The following LUZP2 variants were observed in gnomAD, a reference collection of about 807,000 sequenced individuals.
The protein encoded by LUZP2 is leucine zipper protein 2.
LUZP2 carries 52 observed loss-of-function variants against 51.6 expected under a neutral mutation model. The observed-to-expected ratio is 1.01, with a 90% confidence interval of 0.81 to 1.27. The LOEUF is 1.27. Among genes scored for constraint, LUZP2 ranks in the 50% most tolerant of loss-of-function variants. The pLI is 0.00. For synonymous variants in LUZP2, 154 were observed against 137.3 expected, an observed-to-expected ratio of 1.12 and a Z score of -0.85; for missense variants, 436 against 395.4, an observed-to-expected ratio of 1.10 and a Z score of -0.87.
At chr11:24,647,442 C>T (rs916785867) in intron 1 of LUZP2, among the ~76,000 whole-genome samples, 21 of 151,962 alleles carry the variant, frequency 1.4e-4, no homozygotes, top group African/African-American at 4.3e-4. Flanking sequence ...AGACGAATAG[C>T]ACTGGTTTTT....
rs1859482551 is a variant in LUZP2, at chr11:25,082,565, TAAC to T, written c.*3909_*3911del. ...TGTTCATTTGGATTGTGTTATATAA[TAAC>T]AGTCGAATGATGAAGAATAAAAGAT... is the stretch of plus-strand genomic sequence containing the variant. On this transcript the variant is annotated 3_prime_UTR_variant, in exon 12 of 12. Coordinates refer to ENST00000336930, the MANE Select transcript of LUZP2 (RefSeq NM_001009909.4). 1 of 152,198 alleles carries T rather than the reference TAAC, an allele frequency of 6.6e-6. No homozygotes were observed. Among genetic ancestry groups the T allele is most frequent in the African/African-American group, 2.4e-5 (1 of 41,446 alleles). 9.4% of individuals were successfully genotyped at this position (152,198 alleles called of 1,614,324 possible). A position where few individuals can be genotyped will look rare whatever the true frequency, so the allele number is the denominator to read the frequency against.
At chr11:24,924,470 G>T (rs931161369) in intron 7 of LUZP2, among the ~76,000 whole-genome samples, 4 of 152,092 alleles carry the variant, frequency 2.6e-5, no homozygotes, top group Admixed American at 2.0e-4. Context: ...AATGCTGTTT[G>T]GAAGAAGCAC....
chr11:24,866,906 G>A (rs1349321644), intron 5 of LUZP2, among the ~76,000 whole-genome samples: 2 of 152,102 alleles, frequency 1.3e-5, no homozygotes, highest in African/African-American at 4.8e-5. Context: ...GGAGTTCGGT[G>A]GGAGATGAGA....
chr11:24,627,477 A>G (rs1017024001), intron 1 of LUZP2, among the ~76,000 whole-genome samples: 3 of 152,162 alleles, frequency 2.0e-5, no homozygotes, highest in South Asian at 2.1e-4. Context: ...GGAGACCCAA[A>G]TTCATTTTTT....
intron 1 of LUZP2, among the ~76,000 whole-genome samples, chr11:24,551,967 G>A (rs576903905): frequency 2.6e-5 from 4 of 151,658 alleles, no homozygotes; most frequent in African/African-American, 9.7e-5. Flanking sequence ...ACAAAACTCA[G>A]GCAACAGGCC....
At chr11:24,890,554 G>A (rs142086276) in intron 5 of LUZP2, among the ~76,000 whole-genome samples, 20 of 152,096 alleles carry the variant, frequency 1.3e-4, no homozygotes, top group Non-Finnish European at 1.6e-4. Flanking sequence ...AGAATTTTGC[G>A]GCTGTGAAAG....
intron 1 of LUZP2, among the ~76,000 whole-genome samples, chr11:24,615,991 T>G (rs1162452011): frequency 6.6e-6 from 1 of 151,774 alleles, no homozygotes; most frequent in Non-Finnish European, 1.5e-5. Context: ...GTCTTTCTTC[T>G]GTGCATTTCC....
chr11:24,998,965 A>G (rs1298203132), intron 9 of LUZP2, among the ~76,000 whole-genome samples: 1 of 152,186 alleles, frequency 6.6e-6, no homozygotes, highest in Admixed American at 6.5e-5. Flanking sequence ...GCTGTCTGTT[A>G]GAAGTCATCA....
intron 5 of LUZP2, among the ~76,000 whole-genome samples, chr11:24,848,813 A>G (rs1851289916): frequency 6.6e-6 from 1 of 152,196 alleles, no homozygotes; most frequent in Non-Finnish European, 1.5e-5. Context: ...AGAAATCAGA[A>G]AAGTACAATT....
At chr11:24,901,400 T>TAAAAAA (rs35888734) in intron 5 of LUZP2, among the ~76,000 whole-genome samples, 1 of 143,568 alleles carries the variant, frequency 7.0e-6, no homozygotes. Flanking sequence ...CTCACTTCAT[T>TAAAAAA]AAAAAAAAAA....
At chr11:25,011,047 A>G (rs1014919397) in intron 9 of LUZP2, among the ~76,000 whole-genome samples, 1 of 152,168 alleles carries the variant, frequency 6.6e-6, no homozygotes, top group African/African-American at 2.4e-5. Flanking sequence ...TGGGAATCCA[A>G]TATTGATGTC....
chr11:24,547,431 G>C (rs927358558), intron 1 of LUZP2, among the ~76,000 whole-genome samples: 1 of 151,882 alleles, frequency 6.6e-6, no homozygotes, highest in Non-Finnish European at 1.5e-5. Context: ...GCAACCAACT[G>C]ATCTTTGACA....
chr11:24,882,951 GAAGA>G (rs201599193), intron 5 of LUZP2, among the ~76,000 whole-genome samples: 48 of 136,464 alleles, frequency 3.5e-4, no homozygotes, highest in African/African-American at 4.4e-4. Flanking sequence ...AGAAAGAAAG[GAAGA>G]AAGAAAGAGA....
chr11:24,535,300 TA>T (rs1851144253), intron 1 of LUZP2, among the ~76,000 whole-genome samples: 1 of 151,516 alleles, frequency 6.6e-6, no homozygotes, highest in African/African-American at 2.4e-5. Context: ...AAAACAACAA[TA>T]AAGTTTGTTT....
intron 9 of LUZP2, among the ~76,000 whole-genome samples, chr11:25,035,982 G>T (rs990122711): frequency 2.6e-5 from 4 of 151,970 alleles, no homozygotes; most frequent in Non-Finnish European, 5.9e-5. Context: ...TGGCTTCATA[G>T]GATGAATTAG....
chr11:25,026,109 A>G lies in LUZP2; in HGVS notation c.766-23929A>G, dbSNP rs551837540. Reference sequence around the variant, plus strand: ...TTGAAGAATGAGAACACTTGGACACAGGGTGGGGAACATGACACACTGGAG... The same window carrying G: ...TTGAAGAATGAGAACACTTGGACACGGGGTGGGGAACATGACACACTGGAG... On this transcript the variant is annotated intron_variant, in intron 9 of 11. Coordinates refer to ENST00000336930, the MANE Select transcript of LUZP2 (RefSeq NM_001009909.4). 5.1e-4 allele frequency among the ~76,000 whole-genome samples: 62 copies of G among 121,382 alleles called. 2 individuals carry two copies. In the Admixed American group the frequency reaches 5.9e-3, roughly 12 times the overall value. The allele number at this position is 121,382 out of a possible 152,430, so 79.6% of individuals were successfully genotyped here.
intron 5 of LUZP2, among the ~76,000 whole-genome samples, chr11:24,796,277 A>T (rs1023801266): frequency 6.6e-6 from 1 of 152,022 alleles, no homozygotes; most frequent in African/African-American, 2.4e-5. Flanking sequence ...AGTCTTTTTG[A>T]ATAACCCGAT....
chr11:24,647,689 T>C (rs1300075643), intron 1 of LUZP2, among the ~76,000 whole-genome samples: 1 of 152,018 alleles, frequency 6.6e-6, no homozygotes, highest in East Asian at 1.9e-4. Flanking sequence ...TGCTTATTTT[T>C]TGATTTGTTT....
chr11:24,859,801 G>A (rs1851681569), intron 5 of LUZP2, among the ~76,000 whole-genome samples: 1 of 152,218 alleles, frequency 6.6e-6, no homozygotes, highest in Non-Finnish European at 1.5e-5. Context: ...CTATCCAGCA[G>A]GGGAAACTGT....
Sources: allele counts gnomAD v4.1 joint callset (sites outside exome capture counted in the v4.1 genomes callset), GRCh38; gene constraint gnomAD v4.1.1; transcripts MANE v1.5; gene names NCBI Gene and HGNC (gene_info 2026-07-23, HGNC 2026-07-21).